Variants in SLIT2 observed in about 807,000 individuals in gnomAD.
SLIT2 encodes slit guidance ligand 2, also known as slit homolog 2 protein.
Under a neutral mutation model 185.7 loss-of-function variants are expected in SLIT2, and 41 were observed. The observed-to-expected ratio is 0.22, with a 90% CI of 0.17 to 0.29. The LOEUF is 0.29. Ranked by LOEUF, SLIT2 falls within the 10% of genes least tolerant of loss-of-function variation. The probability of loss-of-function intolerance (pLI) is 1.00; values close to 1 mark genes in which losing one functional copy is unlikely to be tolerated. For synonymous variants in SLIT2, 693 were observed against 680.2 expected, an observed-to-expected ratio of 1.02 and a Z score of -0.29; for missense variants, 1,571 against 1,909.0, an observed-to-expected ratio of 0.82 and a Z score of 3.30.
intron 4 of SLIT2, among the ~76,000 whole-genome samples, chr4:20,383,422 C>G (rs1724687928): frequency 3.9e-5 from 6 of 152,094 alleles, no homozygotes; most frequent in Admixed American, 3.9e-4. Flanking sequence ...AATATTTGAA[C>G]AGGTATTTCA....
chr4:20,382,559 A>T (rs941780208), intron 4 of SLIT2, among the ~76,000 whole-genome samples: 1 of 152,188 alleles, frequency 6.6e-6, no homozygotes, highest in Non-Finnish European at 1.5e-5. Flanking sequence ...ACCATTGACA[A>T]TAGGATCAGA....
intron 11 of SLIT2, among the ~76,000 whole-genome samples, chr4:20,518,352 A>G (rs1298009611): frequency 7.2e-6 from 1 of 138,270 alleles, no homozygotes; most frequent in Non-Finnish European, 1.5e-5. Context: ...TCCCTGGTTC[A>G]TGCCATTCTC....
At chr4:20,280,176 A>G (rs1446973052) in intron 4 of SLIT2, among the ~76,000 whole-genome samples, 2 of 151,914 alleles carry the variant, frequency 1.3e-5, no homozygotes, top group Non-Finnish European at 2.9e-5. Context: ...TACTAAAAAT[A>G]CAAAAAATTA....
At chr4:20,273,179 C>G (rs902108516) in intron 4 of SLIT2, among the ~76,000 whole-genome samples, 20 of 151,032 alleles carry the variant, frequency 1.3e-4, no homozygotes, top group African/African-American at 4.6e-4. Flanking sequence ...TCCATCACTG[C>G]CATAGAAGGA....
intron 6 of SLIT2, among the ~76,000 whole-genome samples, chr4:20,483,571 C>A (rs1716917197): frequency 6.6e-6 from 1 of 151,966 alleles, no homozygotes; most frequent in African/African-American, 2.4e-5. Flanking sequence ...ACAGAATGAA[C>A]ATAATTTAGT....
At chr4:20,618,685 G>A (rs905252055) in intron 36 of SLIT2, 83 bp from the exon 37 acceptor site, 4 of 1,404,204 alleles carry the variant, frequency 2.8e-6, no homozygotes, top group Admixed American at 4.4e-5. Context: ...AAAGGCTTCT[G>A]AATTAAGTTG....
At chr4:20,399,960 A>G (rs1426857816) in intron 4 of SLIT2, among the ~76,000 whole-genome samples, 1 of 151,736 alleles carries the variant, frequency 6.6e-6, no homozygotes, top group Non-Finnish European at 1.5e-5. Context: ...AAATGCACTG[A>G]CTGAAGAGAA....
At chr4:20,613,829 C>A (rs1729433756) in intron 34 of SLIT2, among the ~76,000 whole-genome samples, 1 of 152,172 alleles carries the variant, frequency 6.6e-6, no homozygotes, top group South Asian at 2.1e-4. Context: ...TTAACCTACC[C>A]TTGGGTTATC....
intron 15 of SLIT2, among the ~76,000 whole-genome samples, chr4:20,527,344 G>A (rs1171369159): frequency 1.3e-5 from 2 of 151,770 alleles, no homozygotes; most frequent in East Asian, 3.9e-4. Context: ...GGAGTGCAGT[G>A]GCATGATCTC....
intron 4 of SLIT2, among the ~76,000 whole-genome samples, chr4:20,401,849 G>A (rs1392939418): frequency 1.3e-5 from 2 of 151,860 alleles, no homozygotes; most frequent in Non-Finnish European, 2.9e-5. Context: ...AGTGCCTACA[G>A]CATCACACTT....
intron 3 of SLIT2, among the ~76,000 whole-genome samples, chr4:20,264,993 C>T (rs139123623): frequency 2.4e-3 from 365 of 151,954 alleles, no homozygotes; most frequent in African/African-American, 8.4e-3. Context: ...ATTGACTCAC[C>T]TGGTCTGTTT....
Position 20,596,938 on chromosome 4 carries a change from T to C in SLIT2, c.3561+283T>C, listed in dbSNP as rs537525560. 7.2e-5 allele frequency among the ~76,000 whole-genome samples: 11 copies of C among 152,264 alleles called. No homozygotes were observed. The East Asian group carries it at 2.1e-3, about 29-fold the overall frequency. Reference sequence around the variant, plus strand: ...GCTCAGACAAAAACATTTGATTCATTTGCTTTTATGGCTCTGCAGTTCAGC... The same window carrying C: ...GCTCAGACAAAAACATTTGATTCATCTGCTTTTATGGCTCTGCAGTTCAGC... On this transcript the variant is annotated intron_variant, in intron 32 of 36. Transcript: ENST00000504154.
intron 4 of SLIT2, among the ~76,000 whole-genome samples, chr4:20,403,368 A>G (rs1325738488): frequency 6.6e-6 from 1 of 151,942 alleles, no homozygotes; most frequent in African/African-American, 2.4e-5. Context: ...CACTGGAGAC[A>G]GTGTTACAAG....
At chr4:20,433,510 A>G (rs1373432573) in intron 4 of SLIT2, among the ~76,000 whole-genome samples, 1 of 152,166 alleles carries the variant, frequency 6.6e-6, no homozygotes, top group Non-Finnish European at 1.5e-5. Context: ...GATACATTGC[A>G]TATTCTTTTC....
intron 4 of SLIT2, among the ~76,000 whole-genome samples, chr4:20,380,600 A>T (rs2109340718): frequency 6.6e-6 from 1 of 152,280 alleles, no homozygotes; most frequent in Admixed American, 6.5e-5. Flanking sequence ...GATGCAAGTC[A>T]GTCTCAACAG....
chr4:20,518,219 A>G (rs909336622), intron 11 of SLIT2, among the ~76,000 whole-genome samples: 1 of 138,892 alleles, frequency 7.2e-6, no homozygotes, highest in African/African-American at 2.7e-5. Context: ...TTATATATAT[A>G]TACATATATA....
intron 4 of SLIT2, among the ~76,000 whole-genome samples, chr4:20,377,807 A>T (rs2109334332): frequency 6.6e-6 from 1 of 152,282 alleles, no homozygotes; most frequent in Non-Finnish European, 1.5e-5. Flanking sequence ...AGTCCTGCCC[A>T]TATCTAATAG....
At chr4:20,459,566 C>T (rs1277730797) in intron 4 of SLIT2, among the ~76,000 whole-genome samples, 2 of 152,050 alleles carry the variant, frequency 1.3e-5, no homozygotes, top group South Asian at 2.1e-4. Flanking sequence ...ATGTATGCAG[C>T]GTGTAGTTCA....
chr4:20,461,874 A>G (rs553439810), intron 4 of SLIT2, among the ~76,000 whole-genome samples: 12 of 152,298 alleles, frequency 7.9e-5, no homozygotes, highest in South Asian at 6.2e-4. Context: ...GGAAGGAATC[A>G]TAAGTCAAAG....
Sources: gnomAD v4.1 joint callset for allele counts (sites outside exome capture counted in the v4.1 genomes callset) on GRCh38, gnomAD v4.1.1 for gene constraint, MANE v1.5 for transcripts, NCBI Gene and HGNC (gene_info 2026-07-23, HGNC 2026-07-21) for gene names.